ZFPM2: variants seen among roughly 807,000 people sequenced by gnomAD.
ZFPM2 encodes the protein zinc finger protein ZFPM2.
In ZFPM2, 20 loss-of-function variants were observed where a neutral mutation model predicts 98.6. That is an observed-to-expected ratio of 0.20 (90% CI 0.14 to 0.29). The LOEUF (loss-of-function observed/expected upper bound fraction) is 0.29. Among genes scored for constraint, ZFPM2 ranks in the 10% least tolerant of loss-of-function variants. The pLI is 1.00. For synonymous variants in ZFPM2, 518 were observed against 502.7 expected (o/e 1.03, Z -0.41); for missense variants, 1,310 against 1,388.6 (o/e 0.94, Z 0.90).
intron 1 of ZFPM2, among the ~76,000 whole-genome samples, chr8:105,415,325 A>G (rs747038835): frequency 2.0e-5 from 3 of 152,082 alleles, no homozygotes; most frequent in Non-Finnish European, 4.4e-5. Flanking sequence ...AAATATTCAT[A>G]TTTATAAACA....
In ZFPM2 at chr8:105,726,203, A is replaced by G. The variant is rs537252618; in HGVS notation, c.533-62515A>G. 3.3e-5 allele frequency among the ~76,000 whole-genome samples: 5 copies of G among 151,174 alleles called. No individual in the cohort carries two copies. The East Asian group carries it at 5.9e-4, about 18-fold the overall frequency. On this transcript the variant is annotated intron_variant, in intron 5 of 7. Coordinates refer to ENST00000407775, the MANE Select transcript of ZFPM2 (RefSeq NM_012082.4). ...TTTTTTTTTATTTTTCTGTTTTTGCATGAGTATTTTAATAAGAATTATTTG... is the reference window on the plus strand; with the variant it reads ...TTTTTTTTTATTTTTCTGTTTTTGCGTGAGTATTTTAATAAGAATTATTTG...
chr8:105,325,125 C>T (rs2130652862), intron 1 of ZFPM2, among the ~76,000 whole-genome samples: 1 of 151,864 alleles, frequency 6.6e-6, no homozygotes, highest in Admixed American at 6.6e-5. Flanking sequence ...CAACACCTGC[C>T]ACTGTGTAAA....
intron 1 of ZFPM2, among the ~76,000 whole-genome samples, chr8:105,368,530 T>TATAA (rs569905632): frequency 1.3e-5 from 2 of 152,208 alleles, no homozygotes; most frequent in Non-Finnish European, 2.9e-5. Context: ...ACTTGCTTTA[T>TATAA]ACCAAGCAAA....
At chr8:105,485,459 A>C (rs1026974495) in intron 3 of ZFPM2, among the ~76,000 whole-genome samples, 1 of 152,156 alleles carries the variant, frequency 6.6e-6, no homozygotes, top group Non-Finnish European at 1.5e-5. Context: ...TCAAGGCTGC[A>C]ATGAGCTATG....
At chr8:105,623,997 AC>A (rs1401932979) in intron 4 of ZFPM2, among the ~76,000 whole-genome samples, 1 of 152,124 alleles carries the variant, frequency 6.6e-6, no homozygotes, top group Admixed American at 6.6e-5. Flanking sequence ...TCTTCTCCAT[AC>A]TCAGAATTTG....
intron 5 of ZFPM2, among the ~76,000 whole-genome samples, chr8:105,639,271 G>A (rs1047369772): frequency 3.9e-5 from 6 of 152,036 alleles, no homozygotes; most frequent in East Asian, 1.9e-4. Context: ...AGAATTTTAC[G>A]TTTTGAGGAT....
chr8:105,486,341 TTGTTTGTGTGTGTATGGTGTC>T (rs1398026750), intron 3 of ZFPM2, among the ~76,000 whole-genome samples: 1 of 152,096 alleles, frequency 6.6e-6, no homozygotes, highest in African/African-American at 2.4e-5. Flanking sequence ...AGAAGTTACC[TTGTTTGTGTGTGTATGGTGTC>T]TGTTTGTGTG....
intron 5 of ZFPM2, among the ~76,000 whole-genome samples, chr8:105,644,156 G>A (rs1816996974): frequency 6.6e-6 from 1 of 152,016 alleles, no homozygotes; most frequent in Admixed American, 6.6e-5. Context: ...TCTTTCCATT[G>A]CTCTTTAGCT....
At chr8:105,717,543 T>C (rs1291652631) in intron 5 of ZFPM2, among the ~76,000 whole-genome samples, 1 of 151,916 alleles carries the variant, frequency 6.6e-6, no homozygotes, top group Non-Finnish European at 1.5e-5. Flanking sequence ...GAGCACATAG[T>C]AGATAACTTA....
At chr8:105,699,930 A>G (rs751278584) in intron 5 of ZFPM2, among the ~76,000 whole-genome samples, 1 of 152,242 alleles carries the variant, frequency 6.6e-6, no homozygotes, top group Non-Finnish European at 1.5e-5. Flanking sequence ...TGAAAGGTCT[A>G]CTAAACTCAG....
rs1811947399 is a variant in ZFPM2, at chr8:105,318,454, G to C, written c.-488G>C. Among the ~76,000 whole-genome samples, 1 of 151,232 alleles carries C rather than the reference G, an allele frequency of 6.6e-6. No homozygotes were observed. The highest frequency in any genetic ancestry group is 1.5e-5 in the Non-Finnish European group (1 of 67,726). ...TCCCGCCGCAGAACAGGAGCTGCGC[G>C]GCCCGGAGCGGCGGCGGCGGCGCCG... On this transcript the variant is annotated 5_prime_UTR_variant, in exon 1 of 8. Coordinates refer to ENST00000407775, the MANE Select transcript of ZFPM2 (RefSeq NM_012082.4).
chr8:105,693,772 T>C (rs1383968613), intron 5 of ZFPM2, among the ~76,000 whole-genome samples: 1 of 152,036 alleles, frequency 6.6e-6, no homozygotes, highest in Non-Finnish European at 1.5e-5. Context: ...TTATTTTTAT[T>C]AATAACTAAT....
intron 4 of ZFPM2, among the ~76,000 whole-genome samples, chr8:105,564,097 A>G (rs979091136): frequency 3.9e-5 from 6 of 151,982 alleles, no homozygotes; most frequent in Non-Finnish European, 8.8e-5. Flanking sequence ...CTGATTTTAG[A>G]CAGTTGATGT....
intron 3 of ZFPM2, among the ~76,000 whole-genome samples, chr8:105,493,696 TC>T (rs950698270): frequency 9.2e-5 from 14 of 152,146 alleles, no homozygotes; most frequent in Non-Finnish European, 2.1e-4. Context: ...TTAATATGTC[TC>T]CCATAGATAG....
At chr8:105,799,022 T>C (rs1019020230) in intron 7 of ZFPM2, 74 bp downstream of exon 7, 3 of 1,282,118 alleles carry the variant, frequency 2.3e-6, no homozygotes, top group Non-Finnish European at 3.3e-6. Context: ...GCATTACATG[T>C]ATACGTCTAT....
chr8:105,395,103 C>T (rs1811194667), intron 1 of ZFPM2, among the ~76,000 whole-genome samples: 1 of 152,148 alleles, frequency 6.6e-6, no homozygotes, highest in Non-Finnish European at 1.5e-5. Flanking sequence ...CTACATATCT[C>T]CATGACACAG....
Position 105,525,188 on chromosome 8 carries a change from T to C in ZFPM2, c.302-36175T>C, listed in dbSNP as rs142898893. On this transcript the variant is annotated intron_variant, in intron 3 of 7. Transcript: ENST00000407775. ...TCACTAATATTTGGTTTTAGTTTTG[T>C]ATTGCATTTCTTTGGGAGCACATCT... is the stretch of plus-strand genomic sequence containing the variant. Among the ~76,000 whole-genome samples, 3 of 152,280 alleles carry C rather than the reference T, an allele frequency of 2.0e-5. No homozygotes were observed. In the East Asian group the frequency reaches 5.8e-4, roughly 29 times the overall value.
At chr8:105,610,651 G>GA (rs937605971) in intron 4 of ZFPM2, among the ~76,000 whole-genome samples, 13 of 149,142 alleles carry the variant, frequency 8.7e-5, no homozygotes, top group Admixed American at 2.0e-4. Context: ...ATGAGGAATT[G>GA]AAAAAAAAAT....
intron 1 of ZFPM2, among the ~76,000 whole-genome samples, chr8:105,328,097 A>G (rs1812147915): frequency 6.6e-6 from 1 of 151,826 alleles, no homozygotes; most frequent in South Asian, 2.1e-4. Context: ...CATGTCCAAT[A>G]TGTCAGTGTA....
Sources: gnomAD v4.1 joint callset for allele counts (sites outside exome capture counted in the v4.1 genomes callset) on GRCh38, gnomAD v4.1.1 for gene constraint, MANE v1.5 for transcripts, NCBI Gene and HGNC (gene_info 2026-07-23, HGNC 2026-07-21) for gene names.